Variants in GRIA1 observed in about 807,000 individuals in gnomAD.
GRIA1 encodes the protein glutamate receptor 1.
Under a neutral mutation model 99.2 loss-of-function variants are expected in GRIA1, and 31 were observed. That is an observed-to-expected ratio of 0.31 (90% CI 0.23 to 0.42). GRIA1 has a LOEUF of 0.42. GRIA1 is among the 10% of genes least tolerant of loss of function. The pLI, the probability that GRIA1 is intolerant of heterozygous loss-of-function variation, is 1.00. For missense variants in GRIA1, 782 were observed against 1,157.5 expected (o/e 0.68, Z 4.71); for synonymous variants, 438 against 432.4 (o/e 1.01, Z -0.16).
At position 153,763,862 on chromosome 5, in the gene GRIA1, A is replaced by C. The variant is rs150861406; in HGVS notation, c.1824-572A>C. ...GGGGGAAAGAATTGTGTCTGCACAC[A>C]ATGGTGGCATTCCCCACAATGGTTG... On this transcript the variant is annotated intron_variant, in intron 11 of 15. Coordinates refer to ENST00000285900, the MANE Select transcript of GRIA1 (RefSeq NM_000827.4). 4.5e-3 allele frequency among the ~76,000 whole-genome samples: 681 copies of C among 152,328 alleles called. 4 individuals carry two copies. The highest frequency in any genetic ancestry group is 0.015 in the South Asian group (72 of 4,824).
At chr5:153,710,310 C>CGTCA (rs1254036759) in intron 11 of GRIA1, among the ~76,000 whole-genome samples, 11 of 151,938 alleles carry the variant, frequency 7.2e-5, no homozygotes, top group African/African-American at 2.2e-4. Flanking sequence ...GCAGCCTTGA[C>CGTCA]CTTCTGGGCT....
chr5:153,501,958 C>T (rs773868812), intron 2 of GRIA1, among the ~76,000 whole-genome samples: 3 of 152,230 alleles, frequency 2.0e-5, no homozygotes, highest in Admixed American at 1.3e-4. Context: ...CTGTTCCAAT[C>T]AGACAACTCA....
chr5:153,614,339 T>C (rs1766276806), intron 2 of GRIA1, among the ~76,000 whole-genome samples: 1 of 152,244 alleles, frequency 6.6e-6, no homozygotes, highest in Non-Finnish European at 1.5e-5. Flanking sequence ...TTGTGTTTGA[T>C]AGTGACAATA....
At chr5:153,634,817 G>A (rs1753233829) in intron 2 of GRIA1, among the ~76,000 whole-genome samples, 1 of 152,182 alleles carries the variant, frequency 6.6e-6, no homozygotes, top group Admixed American at 6.5e-5. Context: ...CTTAATTAGT[G>A]CTCACAGCTC....
chr5:153,573,925 G>A (rs1176547139), intron 2 of GRIA1, among the ~76,000 whole-genome samples: 1 of 152,030 alleles, frequency 6.6e-6, no homozygotes, highest in Non-Finnish European at 1.5e-5. Context: ...GTATAAGCTG[G>A]GTGATTAGGG....
At chr5:153,596,097 A>G (rs961353093) in intron 2 of GRIA1, among the ~76,000 whole-genome samples, 1 of 152,234 alleles carries the variant, frequency 6.6e-6, no homozygotes, top group African/African-American at 2.4e-5. Flanking sequence ...TAAGAGTGAC[A>G]GATTTCATGG....
chr5:153,628,704 T>A (rs1323761952), intron 2 of GRIA1, among the ~76,000 whole-genome samples: 1 of 152,242 alleles, frequency 6.6e-6, no homozygotes, highest in South Asian at 2.1e-4. Flanking sequence ...TATTCTTGGA[T>A]CATAGTCTTG....
Position 153,602,288 on chromosome 5 carries a change from C to A in GRIA1, c.221-44640C>A, listed in dbSNP as rs569933978. 3.3e-3 allele frequency among the ~76,000 whole-genome samples: 507 copies of A among 151,826 alleles called. 6 individuals carry two copies. Among genetic ancestry groups the A allele is most frequent in the African/African-American group, 0.012 (482 of 41,354 alleles). On this transcript the variant is annotated intron_variant, in intron 2 of 15. Transcript: ENST00000285900. ...AGTAAACTATCACAAGGACAAAAAA[C>A]CAAACACTGCATGTTCTCACTCATA... is the stretch of plus-strand genomic sequence containing the variant.
chr5:153,737,115 T>C (rs4377754), intron 11 of GRIA1, among the ~76,000 whole-genome samples: 82,991 of 151,842 alleles, frequency 0.55, 23,790 homozygotes, highest in East Asian at 0.94. Context: ...TTGGGGTGGA[T>C]GGGGAATGTG....
intron 12 of GRIA1, among the ~76,000 whole-genome samples, chr5:153,764,837 G>C (rs900901613): frequency 6.6e-6 from 1 of 152,152 alleles, no homozygotes; most frequent in Non-Finnish European, 1.5e-5. Context: ...AAGCTTCAAA[G>C]CTCCTGCATT....
chr5:153,672,136 C>A (rs1450740089), intron 5 of GRIA1, among the ~76,000 whole-genome samples: 1 of 152,196 alleles, frequency 6.6e-6, no homozygotes, highest in Non-Finnish European at 1.5e-5. Context: ...TGAAGGAGAA[C>A]AGTCCCTGAG....
chr5:153,601,654 G>A (rs532980578), intron 2 of GRIA1, among the ~76,000 whole-genome samples: 2 of 152,320 alleles, frequency 1.3e-5, no homozygotes, highest in South Asian at 4.1e-4. Flanking sequence ...TGGCCAAGTG[G>A]CCAGAGAACA....
chr5:153,497,544 A>G (rs923795279), intron 2 of GRIA1, among the ~76,000 whole-genome samples: 9 of 152,198 alleles, frequency 5.9e-5, no homozygotes, highest in Admixed American at 5.9e-4. Flanking sequence ...TGGAGCTAAC[A>G]GTTTAGCCCA....
At chr5:153,624,481 A>C (rs1439193001) in intron 2 of GRIA1, among the ~76,000 whole-genome samples, 1 of 152,188 alleles carries the variant, frequency 6.6e-6, no homozygotes, top group Admixed American at 6.6e-5. Context: ...TCCTCCCCTG[A>C]TGCATTTACA....
chr5:153,574,127 T>G (rs890851846), intron 2 of GRIA1, among the ~76,000 whole-genome samples: 1 of 152,162 alleles, frequency 6.6e-6, no homozygotes, highest in African/African-American at 2.4e-5. Flanking sequence ...TCAGCACTGT[T>G]ATTTTGGTAG....
At chr5:153,779,622 G>T (rs1025088603) in intron 13 of GRIA1, among the ~76,000 whole-genome samples, 3 of 152,114 alleles carry the variant, frequency 2.0e-5, no homozygotes, top group African/African-American at 7.2e-5. Flanking sequence ...GTGCAATGGC[G>T]CAATCTCAGC....
At chr5:153,556,498 G>A (rs1277774705) in intron 2 of GRIA1, among the ~76,000 whole-genome samples, 1 of 152,092 alleles carries the variant, frequency 6.6e-6, no homozygotes, top group African/African-American at 2.4e-5. Context: ...TTTCTTATTA[G>A]TTTGGATCCC....
intron 2 of GRIA1, among the ~76,000 whole-genome samples, chr5:153,608,822 G>A (rs1765685803): frequency 6.6e-6 from 1 of 152,016 alleles, no homozygotes; most frequent in Non-Finnish European, 1.5e-5. Context: ...TCTGGACATT[G>A]AATTTGCAAA....
intron 12 of GRIA1, among the ~76,000 whole-genome samples, chr5:153,767,313 T>C (rs1400949595): frequency 6.6e-6 from 1 of 152,168 alleles, no homozygotes; most frequent in East Asian, 1.9e-4. Flanking sequence ...CTCAGAAAGG[T>C]TATGCTACTT....
Sources: allele counts gnomAD v4.1 joint callset (sites outside exome capture counted in the v4.1 genomes callset), GRCh38; gene constraint gnomAD v4.1.1; transcripts MANE v1.5; gene names NCBI Gene and HGNC (gene_info 2026-07-23, HGNC 2026-07-21).